DNTTIP2: variants seen among roughly 807,000 people sequenced by gnomAD.
DNTTIP2 encodes deoxynucleotidyltransferase terminal-interacting protein 2.
A neutral mutation model predicts 62.4 loss-of-function variants in DNTTIP2; 47 were observed. That is an observed-to-expected ratio of 0.75 (90% CI 0.60 to 0.96). The LOEUF is 0.96. Among genes scored for constraint, DNTTIP2 ranks in the 40% least tolerant of loss-of-function variants. The probability of loss-of-function intolerance (pLI) is 0.00; values close to 1 mark genes in which losing one functional copy is unlikely to be tolerated. For missense variants in DNTTIP2, 870 were observed against 849.1 expected (o/e 1.02, Z -0.31); for synonymous variants, 322 against 300.9 (o/e 1.07, Z -0.73).
intron 5 of DNTTIP2, among the ~76,000 whole-genome samples, chr1:93,871,551 A>C (rs530375702): frequency 6.6e-6 from 1 of 152,184 alleles, no homozygotes; most frequent in Non-Finnish European, 1.5e-5. Context: ...GACAAGACTG[A>C]GTAGCTAAGT....
intron 3 of DNTTIP2, chr1:93,873,434 A>G: frequency 2.7e-6 from 1 of 377,052 alleles, no homozygotes; most frequent in Non-Finnish European, 4.8e-6. Flanking sequence ...TGTAAAAAAA[A>G]AAAAAAAAAG....
chr1:93,874,793 C>T (rs941488128), intron 3 of DNTTIP2, among the ~76,000 whole-genome samples: 16 of 152,144 alleles, frequency 1.1e-4, no homozygotes, highest in East Asian at 5.8e-4. Flanking sequence ...CTTGCCCAGC[C>T]GGATTTGTGT....
Position 93,868,679 on chromosome 1 carries a change from G to C in DNTTIP2, c.*1172C>G, listed in dbSNP as rs1655777266. ...ATACTATGTGGCCATAAAAAAGCAT[G>C]AGTTCATGTCCTTTGCAGGGACATG... On this transcript the variant is annotated 3_prime_UTR_variant, in exon 7 of 7. Coordinates refer to ENST00000436063, the MANE Select transcript of DNTTIP2 (RefSeq NM_014597.5). The C allele has an allele frequency of 6.6e-6, 1 of 152,218 alleles. No homozygotes were observed. 9.4% of individuals were successfully genotyped at this position (152,218 alleles called of 1,614,324 possible). A position where few individuals can be genotyped will look rare whatever the true frequency, so the allele number is the denominator to read the frequency against.
chr1:93,869,210 T>TA lies in DNTTIP2; in HGVS notation c.*640dup, dbSNP rs11445956. On this transcript the variant is annotated 3_prime_UTR_variant, in exon 7 of 7. Transcript: ENST00000436063. ...AACTTCGAAGAAACCCTGGCCAACTTAAATTATAGTTTAATCCTGTTTTAC... is the reference window on the plus strand; with the variant it reads ...AACTTCGAAGAAACCCTGGCCAACTTAAAATTATAGTTTAATCCTGTTTTAC... 0.76 allele frequency: 115,238 copies of TA among 151,944 alleles called. 44,109 individuals carry two copies. Among genetic ancestry groups the TA allele is most frequent in the African/African-American group, 0.84 (34,906 of 41,460 alleles). 9.4% of individuals were successfully genotyped at this position (151,944 alleles called of 1,614,324 possible).
rs11557273 is a variant in DNTTIP2 at position 93,879,104 on chromosome 1, G to T, written c.45C>A (p.Ala15=). 1.2e-6 allele frequency: 2 copies of T among 1,613,726 alleles called. No individual in the cohort carries two copies. The highest frequency in any genetic ancestry group is 4.5e-5 in the East Asian group (2 of 44,878). Residue 15 remains alanine (A), a synonymous_variant, in exon 1 of 7, where the codon GCC becomes GCA. Coordinates refer to ENST00000436063, the MANE Select transcript of DNTTIP2 (RefSeq NM_014597.5). ...RSARAKASIQ[A]ASAESSGQKS... is the part of the protein sequence containing the mutation. ...TTTGCCCGGAACTTTCAGCCGACGC[G>T]GCTTGGATGCTGGCCTTAGCCCGTG...
chr1:93,877,099 G>A lies in DNTTIP2; in HGVS notation c.836C>T (p.Thr279Ile), dbSNP rs1656030640. The A allele has an allele frequency of 6.2e-7, 1 of 1,611,264 alleles. No individual in the cohort carries two copies. The highest frequency in any genetic ancestry group is 1.7e-5 in the Admixed American group (1 of 59,954). Reference protein sequence around the residue: ...FSHRSSENILTVHEQANVESL... With the variant: ...FSHRSSENILIVHEQANVESL... ...TTCAACATTGGCCTGTTCGTGCACT[G>A]TTAATATATTTTCTGAACTTCTGTG... The change falls in exon 2 of 7, where the codon ACA becomes ATA. Residue 279 changes from threonine to isoleucine, a missense_variant. Coordinates refer to ENST00000436063, the MANE Select transcript of DNTTIP2 (RefSeq NM_014597.5).
At chr1:93,879,044 G>A (rs745536644) in intron 1 of DNTTIP2, 33 bp downstream of exon 1, 1 of 1,611,400 alleles carries the variant, frequency 6.2e-7, no homozygotes, top group Admixed American at 1.7e-5. Flanking sequence ...GCTCTGCGAA[G>A]CGGCGAGAAG....
chr1:93,875,167 T>C (rs1655967427), intron 3 of DNTTIP2, among the ~76,000 whole-genome samples: 1 of 152,156 alleles, frequency 6.6e-6, no homozygotes, highest in South Asian at 2.1e-4. Context: ...CTAGAAAATA[T>C]AGATTTAGGA....
chr1:93,878,176 C>A (rs572527174), intron 1 of DNTTIP2, among the ~76,000 whole-genome samples: 79 of 152,122 alleles, frequency 5.2e-4, no homozygotes, highest in African/African-American at 1.8e-3. Flanking sequence ...TGTTGGTGCG[C>A]ACCTGTAATC....
At chr1:93,873,426 TAAAAAA>T in intron 3 of DNTTIP2, 39 of 212,844 alleles carry the variant, frequency 1.8e-4, no homozygotes, top group South Asian at 6.6e-4. Flanking sequence ...ACCCTGACTG[TAAAAAA>T]AAAAAAAAAA....
In DNTTIP2 at chr1:93,876,626, T is replaced by A; in HGVS notation, c.1309A>T (p.Lys437Ter). The change falls in exon 2 of 7, where the codon AAA becomes TAA. Residue 437 changes from lysine (K) to a stop codon, truncating the protein, a stop_gained. Coordinates refer to ENST00000436063, the MANE Select transcript of DNTTIP2 (RefSeq NM_014597.5). LOFTEE classifies it high-confidence loss of function. ...YTSAPNTSQG[K>*]DNSVLLVLSS... ...AGAACTAGTAAGACAGAATTATCTT[T>A]ACCCTGAGATGTGTTGGGCGCAGAC... 1 of 1,614,050 alleles carries A rather than the reference T, an allele frequency of 6.2e-7. No individual in the cohort carries two copies. The highest frequency in any genetic ancestry group is 8.5e-7 in the Non-Finnish European group (1 of 1,179,892).
In DNTTIP2 at chr1:93,876,567, A is replaced by G; in HGVS notation, c.1368T>C (p.Ser456=). The G allele has an allele frequency of 6.2e-7, 1 of 1,613,926 alleles. No individual in the cohort carries two copies. The highest frequency in any genetic ancestry group is 8.5e-7 in the Non-Finnish European group (1 of 1,179,876). The change falls in exon 2 of 7, where the codon AGT becomes AGC. Residue 456 remains serine (S), a synonymous_variant. Coordinates refer to ENST00000436063, the MANE Select transcript of DNTTIP2 (RefSeq NM_014597.5). ...AACATAAAGTATCCTCTTCATTCTC[A>G]CTGTTTTCAGACTGTTGGCTTTCAT... ...SSDESQQSEN[S]ENEEDTLCFV...
chr1:93,869,669 G>C lies in DNTTIP2; in HGVS notation c.*182C>G, dbSNP rs1362628059. 1.9e-6 allele frequency: 1 copy of C among 530,672 alleles called. No homozygotes were observed. The allele number at this position is 530,672 out of a possible 1,614,324, so 32.9% of individuals were successfully genotyped here. Reference sequence around the variant, plus strand: ...AGTCTACACCAGGGTGGGTCTTTTAGACACCCCTATTTTCTAAGGGCATGT... The same window carrying C: ...AGTCTACACCAGGGTGGGTCTTTTACACACCCCTATTTTCTAAGGGCATGT... On this transcript the variant is annotated 3_prime_UTR_variant, in exon 7 of 7. Transcript: ENST00000436063.
At chr1:93,873,587 T>C (rs1655924229) in intron 3 of DNTTIP2, among the ~76,000 whole-genome samples, 1 of 143,132 alleles carries the variant, frequency 7.0e-6, no homozygotes, top group Admixed American at 7.0e-5. Flanking sequence ...GGTGACAGAG[T>C]GAGACCCTGT....
chr1:93,876,821 C>A lies in DNTTIP2; in HGVS notation c.1114G>T (p.Val372Leu), dbSNP rs1327965284. The A allele has an allele frequency of 6.2e-7, 1 of 1,613,996 alleles. No individual in the cohort carries two copies. Among genetic ancestry groups the A allele is most frequent in the Admixed American group, 1.7e-5 (1 of 60,016 alleles). Residue 372 changes from valine (V) to leucine (L), a missense_variant, in exon 2 of 7, where the codon GTA becomes TTA. By Grantham distance (32) the Val-to-Leu change is conservative. Transcript: ENST00000436063. Reference protein sequence around the residue: ...SLTQTFATVEVGRWNNNKKSP... With the variant: ...SLTQTFATVELGRWNNNKKSP... Reference sequence around the variant, plus strand: ...TTTTTGTTGTTATTCCATCTGCCTACTTCCACAGTTGCAAATGTTTGAGTT... The same window carrying A: ...TTTTTGTTGTTATTCCATCTGCCTAATTCCACAGTTGCAAATGTTTGAGTT...
chr1:93,877,121 T>A lies in DNTTIP2; in HGVS notation c.814A>T (p.Arg272Ter). Reference sequence around the variant, plus strand: ...ACTGTTAATATATTTTCTGAACTTCTGTGGGAGAAATCATCATCAAAGTCA... The same window carrying A: ...ACTGTTAATATATTTTCTGAACTTCAGTGGGAGAAATCATCATCAAAGTCA... ...NNDFDDDFSHRSSENILTVHE... is the reference protein window; with the variant it reads ...NNDFDDDFSH Residue 272 changes from arginine to a stop codon, truncating the protein, a stop_gained, in exon 2 of 7, where the codon AGA becomes TGA. Transcript: ENST00000436063. LOFTEE classifies it high-confidence loss of function. The A allele has an allele frequency of 6.2e-7, 1 of 1,611,826 alleles. No individual in the cohort carries two copies. Among genetic ancestry groups the A allele is most frequent in the Non-Finnish European group, 8.5e-7 (1 of 1,179,794 alleles).
intron 5 of DNTTIP2, 113 bp downstream of exon 5, chr1:93,871,959 T>A (rs11165027): frequency 8.5e-7 from 1 of 1,174,764 alleles, no homozygotes; most frequent in Non-Finnish European, 1.2e-6. Context: ...TTCCATACAT[T>A]AGGCATGCAC....
Position 93,869,863 on chromosome 1 carries a change from TTTC to T in DNTTIP2, c.2256_2258del (p.Lys753del), listed in dbSNP as rs775458243. ...TGCTTGGTAAATCTTAATTGCGAAA[TTTC>T]TTCTTCTTTCGGAACTTTTTTCCTG... On this transcript the variant is annotated inframe_deletion, in exon 7 of 7. Coordinates refer to ENST00000436063, the MANE Select transcript of DNTTIP2 (RefSeq NM_014597.5). 6 of 780,256 alleles carry T rather than the reference TTTC, an allele frequency of 7.7e-6. No individual in the cohort carries two copies. Among genetic ancestry groups the T allele is most frequent in the African/African-American group, 6.8e-5 (4 of 59,138 alleles). The allele number at this position is 780,256 out of a possible 1,614,324, so 48.3% of individuals were successfully genotyped here.
At chr1:93,878,369 C>A (rs1656071252) in intron 1 of DNTTIP2, among the ~76,000 whole-genome samples, 1 of 152,140 alleles carries the variant, frequency 6.6e-6, no homozygotes, top group Non-Finnish European at 1.5e-5. Context: ...ACTTCACTAG[C>A]CTCATCCTTC....
Sources: gnomAD v4.1 joint callset for allele counts (sites outside exome capture counted in the v4.1 genomes callset) on GRCh38, gnomAD v4.1.1 for gene constraint, MANE v1.5 for transcripts, NCBI Gene and HGNC (gene_info 2026-07-23, HGNC 2026-07-21) for gene names.